Variants in SYT16 observed in about 807,000 individuals in gnomAD.
The protein encoded by SYT16 is synaptotagmin 16.
A neutral mutation model predicts 61.4 loss-of-function variants in SYT16; 42 were observed. The observed-to-expected ratio is 0.68, with a 90% CI of 0.53 to 0.89. The LOEUF is 0.89. Among genes scored for constraint, SYT16 ranks in the 40% least tolerant of loss-of-function variants. SYT16 has a pLI of 0.00. For synonymous variants in SYT16, 314 were observed against 302.3 expected (o/e 1.04, Z -0.40); for missense variants, 804 against 807.3 (o/e 1.00, Z 0.05).
chr14:61,837,529 G>T (rs1049378103), intron 1 of SYT16, among the ~76,000 whole-genome samples: 1 of 152,140 alleles, frequency 6.6e-6, no homozygotes, highest in East Asian at 1.9e-4. Flanking sequence ...GTGAGCTGCC[G>T]TGCAGCTGAG....
intron 1 of SYT16, among the ~76,000 whole-genome samples, chr14:61,931,171 A>G (rs1311652514): frequency 1.3e-5 from 2 of 152,160 alleles, no homozygotes; most frequent in African/African-American, 4.8e-5. Flanking sequence ...CACACTGTCT[A>G]TGCAGCACCT....
intron 1 of SYT16, among the ~76,000 whole-genome samples, chr14:61,842,115 T>A (rs1240321905): frequency 6.6e-6 from 1 of 152,214 alleles, no homozygotes; most frequent in African/African-American, 2.4e-5. Context: ...CCATGCAATG[T>A]GTAATAATCA....
intron 5 of SYT16, among the ~76,000 whole-genome samples, chr14:62,080,417 G>A (rs746395696): frequency 8.5e-5 from 13 of 152,338 alleles, no homozygotes; most frequent in Non-Finnish European, 1.8e-4. Context: ...GCTCTTGCCT[G>A]TGGAGAACAG....
At chr14:62,046,200 C>T (rs1308831045) in intron 3 of SYT16, among the ~76,000 whole-genome samples, 1 of 152,096 alleles carries the variant, frequency 6.6e-6, no homozygotes, top group Non-Finnish European at 1.5e-5. Flanking sequence ...CTCTGATGGC[C>T]AGTGATGATG....
chr14:61,952,560 C>T (rs2050714066), intron 1 of SYT16, among the ~76,000 whole-genome samples: 1 of 152,172 alleles, frequency 6.6e-6, no homozygotes. Context: ...ACATTTTAAA[C>T]ATGTAAAGCA....
At chr14:61,929,276 T>C (rs1462987604) in intron 1 of SYT16, among the ~76,000 whole-genome samples, 1 of 152,220 alleles carries the variant, frequency 6.6e-6, no homozygotes, top group South Asian at 2.1e-4. Context: ...AAAAACCCTG[T>C]TGGAGTCGCT....
intron 1 of SYT16, among the ~76,000 whole-genome samples, chr14:61,877,485 C>T (rs555528060): frequency 6.6e-6 from 1 of 152,330 alleles, no homozygotes; most frequent in Non-Finnish European, 1.5e-5. Context: ...GAGACTTACA[C>T]CCAGAAATTC....
intron 1 of SYT16, among the ~76,000 whole-genome samples, chr14:61,857,806 A>G (rs368462856): frequency 1.2e-4 from 19 of 152,202 alleles, no homozygotes; most frequent in African/African-American, 4.6e-4. Context: ...TTGACCTAAG[A>G]TGGGAACACA....
chr14:62,060,201 G>A (rs1304960569), intron 3 of SYT16, among the ~76,000 whole-genome samples: 1 of 152,000 alleles, frequency 6.6e-6, no homozygotes, highest in Non-Finnish European at 1.5e-5. Flanking sequence ...AGGGAAATTA[G>A]CATCTTAACA....
chr14:62,092,388 T>A (rs191032306), intron 7 of SYT16, among the ~76,000 whole-genome samples: 1 of 152,166 alleles, frequency 6.6e-6, no homozygotes, highest in East Asian at 1.9e-4. Flanking sequence ...GGGTATGTAC[T>A]CCAAGGAATT....
At chr14:61,869,125 CTTTT>C (rs1171104527) in intron 1 of SYT16, among the ~76,000 whole-genome samples, 5 of 151,836 alleles carry the variant, frequency 3.3e-5, no homozygotes, top group Non-Finnish European at 7.4e-5. Flanking sequence ...TGTGGTTTAT[CTTTT>C]TTCTATCTTT....
chr14:61,864,604 C>A (rs539046809), intron 1 of SYT16, among the ~76,000 whole-genome samples: 2 of 152,386 alleles, frequency 1.3e-5, no homozygotes, highest in Admixed American at 1.3e-4. Flanking sequence ...GCCGCTTCGG[C>A]CGCCGCCTCG....
At chr14:62,058,571 G>A (rs2055675343) in intron 3 of SYT16, among the ~76,000 whole-genome samples, 1 of 151,898 alleles carries the variant, frequency 6.6e-6, no homozygotes, top group Non-Finnish European at 1.5e-5. Context: ...CACCATGCTG[G>A]CCAGGCTGGT....
At chr14:62,031,243 C>G (rs2054298727) in intron 3 of SYT16, among the ~76,000 whole-genome samples, 1 of 152,156 alleles carries the variant, frequency 6.6e-6, no homozygotes, top group Admixed American at 6.6e-5. Context: ...AAAACTGATT[C>G]CTATTTGGTT....
At chr14:61,966,762 T>C (rs1304817351) in intron 1 of SYT16, among the ~76,000 whole-genome samples, 2 of 152,224 alleles carry the variant, frequency 1.3e-5, no homozygotes, top group East Asian at 1.9e-4. Flanking sequence ...AATCCTCTTT[T>C]TCCTAAGACC....
chr14:62,001,978 C>G (rs1387762826), intron 3 of SYT16, among the ~76,000 whole-genome samples: 1 of 152,052 alleles, frequency 6.6e-6, no homozygotes, highest in Non-Finnish European at 1.5e-5. Flanking sequence ...TACATTCCCC[C>G]CTTTTCATTA....
Position 62,106,441 on chromosome 14 carries a change from C to G in SYT16, c.*5734C>G, listed in dbSNP as rs1416579827. ...GGGGATGGGGGTGTCATAGAATCAT[C>G]ATCTTTGGAAGTTTTTTAAAATAGA... On this transcript the variant is annotated 3_prime_UTR_variant, in exon 8 of 8. Coordinates refer to ENST00000683842, the MANE Select transcript of SYT16 (RefSeq NM_001367656.1). The G allele has an allele frequency of 6.6e-6, 1 of 152,126 alleles. No individual in the cohort carries two copies. The highest frequency in any genetic ancestry group is 1.5e-5 in the Non-Finnish European group (1 of 68,018). The allele number at this position is 152,126 out of a possible 1,614,324, so 9.4% of individuals were successfully genotyped here.
At chr14:61,905,045 A>G (rs2048653310) in intron 1 of SYT16, among the ~76,000 whole-genome samples, 1 of 151,798 alleles carries the variant, frequency 6.6e-6, no homozygotes, top group South Asian at 2.1e-4. Flanking sequence ...AATATCATGT[A>G]TTTACTTATA....
intron 1 of SYT16, among the ~76,000 whole-genome samples, chr14:61,890,088 A>T (rs1036052948): frequency 2.6e-5 from 4 of 152,154 alleles, no homozygotes; most frequent in Admixed American, 2.6e-4. Context: ...ATATTGCTCT[A>T]CCCTGGGTTA....
Sources: gnomAD v4.1 joint callset for allele counts (sites outside exome capture counted in the v4.1 genomes callset) on GRCh38, gnomAD v4.1.1 for gene constraint, MANE v1.5 for transcripts, NCBI Gene and HGNC (gene_info 2026-07-23, HGNC 2026-07-21) for gene names.